Variants in LRRTM4 observed in about 807,000 individuals in gnomAD.
LRRTM4 encodes the protein leucine rich repeat transmembrane neuronal 4, also known as leucine-rich repeat transmembrane neuronal protein 4.
Under a neutral mutation model 47.6 loss-of-function variants are expected in LRRTM4, and 25 were observed. The observed-to-expected ratio is 0.53, with a 90% CI of 0.38 to 0.73. LRRTM4 has a LOEUF of 0.73. Among genes scored for constraint, LRRTM4 ranks in the 30% least tolerant of loss-of-function variants. LRRTM4 has a pLI of 0.00. For missense variants in LRRTM4, 638 were observed against 713.4 expected, an observed-to-expected ratio of 0.89 and a Z score of 1.20; for synonymous variants, 311 against 269.5, an observed-to-expected ratio of 1.15 and a Z score of -1.51.
chr2:77,302,244 C>T (rs1677149763), intron 3 of LRRTM4, among the ~76,000 whole-genome samples: 1 of 152,058 alleles, frequency 6.6e-6, no homozygotes, highest in Admixed American at 6.6e-5. Flanking sequence ...ATAATTGAGC[C>T]ACAACACCAT....
At chr2:76,929,875 G>A (rs1007863862) in intron 3 of LRRTM4, among the ~76,000 whole-genome samples, 1 of 151,978 alleles carries the variant, frequency 6.6e-6, no homozygotes, top group African/African-American at 2.4e-5. Flanking sequence ...AAAAGTAGGT[G>A]AATATGTTTT....
rs1410339879 is a variant in LRRTM4, at chr2:77,307,991, G to GAA, written c.1551+210326_1551+210327insTT. Among the ~76,000 whole-genome samples the GAA allele has an allele frequency of 3.1e-4, 31 of 99,524 alleles. 1 individual carries two copies. The highest frequency in any genetic ancestry group is 1.3e-3 in the African/African-American group (28 of 21,484). 65.3% of individuals were successfully genotyped at this position (99,524 alleles called of 152,430 possible). A position where few individuals can be genotyped will look rare whatever the true frequency, so the allele number is the denominator to read the frequency against. ...TATATTATAGAAATATAAATATATA[G>GAA]ATATATACAACATATATGTTACATA... On this transcript the variant is annotated intron_variant, in intron 3 of 3. Transcript: ENST00000409884.
intron 3 of LRRTM4, among the ~76,000 whole-genome samples, chr2:77,042,983 C>G (rs1036039138): frequency 4.2e-4 from 63 of 151,782 alleles, no homozygotes; most frequent in African/African-American, 1.5e-3. Flanking sequence ...GTGGGGGTTT[C>G]TTAGGCTCTG....
intron 3 of LRRTM4, among the ~76,000 whole-genome samples, chr2:77,132,858 G>A (rs147856303): frequency 1.3e-5 from 2 of 152,220 alleles, no homozygotes; most frequent in African/African-American, 4.8e-5. Context: ...GAAAATAAGA[G>A]ACAGAAAGGG....
chr2:76,794,018 C>G (rs1281495135), intron 3 of LRRTM4, among the ~76,000 whole-genome samples: 1 of 152,128 alleles, frequency 6.6e-6, no homozygotes, highest in Admixed American at 6.6e-5. Context: ...TAATAGTAAT[C>G]TGTATAAGCC....
At chr2:76,862,695 A>G (rs1553421587) in intron 3 of LRRTM4, among the ~76,000 whole-genome samples, 1 of 152,236 alleles carries the variant, frequency 6.6e-6, no homozygotes, top group Non-Finnish European at 1.5e-5. Context: ...TGATAAGAGC[A>G]GAGGATGCTC....
intron 3 of LRRTM4, among the ~76,000 whole-genome samples, chr2:77,090,554 C>A (rs1179883346): frequency 6.6e-6 from 1 of 152,164 alleles, no homozygotes; most frequent in South Asian, 2.1e-4. Context: ...CACTATGAGA[C>A]AAACCCCAGC....
chr2:77,261,535 GAAAT>G (rs376519107), intron 3 of LRRTM4, among the ~76,000 whole-genome samples: 6 of 152,092 alleles, frequency 3.9e-5, no homozygotes, highest in African/African-American at 1.4e-4. Flanking sequence ...TGAAACATGA[GAAAT>G]AAATAAAGCT....
At chr2:76,763,641 T>G (rs981159440) in intron 3 of LRRTM4, among the ~76,000 whole-genome samples, 1 of 152,092 alleles carries the variant, frequency 6.6e-6, no homozygotes, top group African/African-American at 2.4e-5. Flanking sequence ...TGAAGTGGAG[T>G]GCTGCTCCAA....
At chr2:77,516,532 A>G (rs1679212836) in intron 3 of LRRTM4, 1 of 821,286 alleles carries the variant, frequency 1.2e-6, no homozygotes. Context: ...TTTTCTTTTT[A>G]TATACCAGCC....
chr2:77,220,454 T>C (rs1243108976), intron 3 of LRRTM4, among the ~76,000 whole-genome samples: 6 of 152,004 alleles, frequency 3.9e-5, no homozygotes, highest in Non-Finnish European at 8.8e-5. Context: ...GTTAAAAACG[T>C]TGAAAAAAAT....
chr2:77,361,910 C>A (rs1428392552), intron 3 of LRRTM4, among the ~76,000 whole-genome samples: 2 of 151,912 alleles, frequency 1.3e-5, no homozygotes, highest in African/African-American at 4.8e-5. Context: ...CATGGTGAAA[C>A]CCCATCTCTA....
At chr2:76,772,834 T>A (rs1479426495) in intron 3 of LRRTM4, 1 of 152,200 alleles carries the variant, frequency 6.6e-6, no homozygotes, top group Non-Finnish European at 1.5e-5. Context: ...AATCTCTTAT[T>A]GTGACTAATT....
intron 3 of LRRTM4, among the ~76,000 whole-genome samples, chr2:77,096,841 A>AT (rs754822818): frequency 1.4e-4 from 21 of 151,864 alleles, no homozygotes; most frequent in Non-Finnish European, 2.2e-4. Flanking sequence ...TAGAGTGTCC[A>AT]TATTAAATGG....
rs139803390 is a variant in LRRTM4 at position 77,200,315 on chromosome 2, A to G, written c.1551+318003T>C. Among the ~76,000 whole-genome samples the G allele has an allele frequency of 9.0e-3, 1,373 of 152,276 alleles. 25 individuals are homozygous for G. Among genetic ancestry groups the G allele is most frequent in the African/African-American group, 0.03 (1,267 of 41,572 alleles). On this transcript the variant is annotated intron_variant, in intron 3 of 3. Transcript: ENST00000409884. ...AAAATGTTAGCTCTCTTACTAATGT[A>G]ACTTTCAAATCAAAAGTTTAATTTT...
At chr2:77,273,866 C>T (rs12475548) in intron 3 of LRRTM4, among the ~76,000 whole-genome samples, 23,907 of 152,026 alleles carry the variant, frequency 0.16, 4,097 homozygotes, top group African/African-American at 0.43. Flanking sequence ...TTACATATTA[C>T]CATATTCCTT....
At chr2:77,272,332 C>T (rs931158463) in intron 3 of LRRTM4, among the ~76,000 whole-genome samples, 6 of 152,036 alleles carry the variant, frequency 3.9e-5, no homozygotes, top group African/African-American at 1.4e-4. Context: ...AAGAATGAAT[C>T]ACTAAAAATT....
At chr2:77,165,140 G>A (rs1672843195) in intron 3 of LRRTM4, among the ~76,000 whole-genome samples, 1 of 152,120 alleles carries the variant, frequency 6.6e-6, no homozygotes, top group Non-Finnish European at 1.5e-5. Context: ...TATCACCACT[G>A]ATCACACAGA....
intron 3 of LRRTM4, among the ~76,000 whole-genome samples, chr2:77,213,218 G>T (rs775731618): frequency 6.6e-6 from 1 of 152,130 alleles, no homozygotes; most frequent in Non-Finnish European, 1.5e-5. Context: ...CAGCATGTCA[G>T]CTGTAAAGTA....
Sources: allele counts gnomAD v4.1 joint callset (sites outside exome capture counted in the v4.1 genomes callset), GRCh38; gene constraint gnomAD v4.1.1; transcripts MANE v1.5; gene names NCBI Gene and HGNC (gene_info 2026-07-23, HGNC 2026-07-21).